Variants in HGSNAT observed in about 807,000 individuals in gnomAD.
The protein encoded by HGSNAT is transmembrane protein 76.
Under a neutral mutation model 85.2 loss-of-function variants are expected in HGSNAT, and 59 were observed. That is an observed-to-expected ratio of 0.69 (90% confidence interval 0.56 to 0.86). The LOEUF (loss-of-function observed/expected upper bound fraction) is 0.86, where lower values mean the gene tolerates loss of function less well. Among genes scored for constraint, HGSNAT ranks in the 40% least tolerant of loss-of-function variants. The pLI, the probability that HGSNAT is intolerant of heterozygous loss-of-function variation, is 0.00. For synonymous variants in HGSNAT, 321 were observed against 304.5 expected (o/e 1.05, Z -0.56); for missense variants, 756 against 777.1 (o/e 0.97, Z 0.32).
chr8:43,198,987 C>T (rs751310721), intron 17 of HGSNAT, among the ~76,000 whole-genome samples: 4 of 152,116 alleles, frequency 2.6e-5, no homozygotes, highest in Admixed American at 6.5e-5. Flanking sequence ...CTGCAACCTC[C>T]GCCTCCCAGG....
chr8:43,162,470 G>A (rs1040823752), intron 5 of HGSNAT, among the ~76,000 whole-genome samples: 1 of 152,050 alleles, frequency 6.6e-6, no homozygotes, highest in African/African-American at 2.4e-5. Flanking sequence ...TTGAGTTAAG[G>A]TATTATCTCA....
Position 43,197,705 on chromosome 8 carries a change from G to C in HGSNAT, c.1576G>C (p.Glu526Gln). Residue 526 changes from glutamate (E) to glutamine (Q), a missense_variant, in exon 16 of 18, where the codon GAA becomes CAA. Transcript: ENST00000379644. ...TTCTGTTGCTCTGACGAAGGTTTCT[G>C]AAAATGAAGGCTTTATTCCAGTAAA... ...LISVALTKVS[E>Q]NEGFIPVNKN... 1 of 1,613,482 alleles carries C rather than the reference G, an allele frequency of 6.2e-7. No individual in the cohort carries two copies.
At chr8:43,165,473 A>G (rs1803404770) in intron 5 of HGSNAT, among the ~76,000 whole-genome samples, 1 of 152,228 alleles carries the variant, frequency 6.6e-6, no homozygotes, top group Non-Finnish European at 1.5e-5. Context: ...AAAGAGTTGC[A>G]TGTCTCTCAC....
intron 8 of HGSNAT, 105 bp from the exon 9 acceptor site, chr8:43,173,608 C>T (rs937411647): frequency 1.5e-5 from 19 of 1,261,422 alleles, no homozygotes; most frequent in Admixed American, 1.4e-4. Context: ...ACTGCGCCTC[C>T]CCTGGGTTTA....
intron 9 of HGSNAT, among the ~76,000 whole-genome samples, chr8:43,176,685 A>C (rs1803823662): frequency 6.6e-6 from 1 of 152,156 alleles, no homozygotes; most frequent in Non-Finnish European, 1.5e-5. Flanking sequence ...TGAACATGGA[A>C]TTTCTTTCCA....
At chr8:43,157,897 A>G (rs938670744) in intron 2 of HGSNAT, among the ~76,000 whole-genome samples, 2 of 152,240 alleles carry the variant, frequency 1.3e-5, no homozygotes, top group African/African-American at 2.4e-5. Context: ...ACCAGCCTAA[A>G]TACTCAAAGT....
At chr8:43,187,689 C>T (rs142918044) in intron 11 of HGSNAT, among the ~76,000 whole-genome samples, 3,152 of 152,096 alleles carry the variant, frequency 0.021, 118 homozygotes, top group African/African-American at 0.073. Context: ...GTCATTATGA[C>T]GTTAGCTGGT....
At chr8:43,152,355 T>G (rs1214767736) in intron 2 of HGSNAT, among the ~76,000 whole-genome samples, 2 of 152,066 alleles carry the variant, frequency 1.3e-5, no homozygotes, top group African/African-American at 2.4e-5. Flanking sequence ...AAGCAAACAG[T>G]GTAATCATCC....
chr8:43,190,494 G>A (rs916043441), intron 11 of HGSNAT, among the ~76,000 whole-genome samples: 4 of 152,176 alleles, frequency 2.6e-5, no homozygotes, highest in Non-Finnish European at 4.4e-5. Flanking sequence ...ATTTCCTTAG[G>A]GTGAAGGACA....
intron 4 of HGSNAT, among the ~76,000 whole-genome samples, chr8:43,160,026 G>A (rs1347279183): frequency 6.6e-6 from 1 of 152,188 alleles, no homozygotes; most frequent in Non-Finnish European, 1.5e-5. Flanking sequence ...AATAATATAT[G>A]TAGTGGAAGA....
At chr8:43,164,672 T>C (rs892578298) in intron 5 of HGSNAT, among the ~76,000 whole-genome samples, 1 of 152,072 alleles carries the variant, frequency 6.6e-6, no homozygotes. Flanking sequence ...TCCCAGGTAC[T>C]CGGGAGGCTG....
rs564449428 is a variant in HGSNAT at position 43,166,516 on chromosome 8, G to A, written c.564-2657G>A. Among the ~76,000 whole-genome samples the A allele has an allele frequency of 4.5e-4, 68 of 152,324 alleles. 1 individual carries two copies. The highest frequency in any genetic ancestry group is 3.1e-3 in the South Asian group (15 of 4,824). Reference sequence around the variant, plus strand: ...CTCAATAAATGGAACAGCAAAGCCTGGATGACAGCACATCTGTTTACAGCG... The same window carrying A: ...CTCAATAAATGGAACAGCAAAGCCTAGATGACAGCACATCTGTTTACAGCG... On this transcript the variant is annotated intron_variant, in intron 5 of 17. Transcript: ENST00000379644.
At chr8:43,151,821 A>G (rs1256930520) in intron 2 of HGSNAT, among the ~76,000 whole-genome samples, 1 of 152,236 alleles carries the variant, frequency 6.6e-6, no homozygotes, top group Non-Finnish European at 1.5e-5. Context: ...GGTCTGTCTC[A>G]TTTAACTTAC....
At chr8:43,187,135 A>C (rs905263724) in intron 11 of HGSNAT, among the ~76,000 whole-genome samples, 2 of 152,118 alleles carry the variant, frequency 1.3e-5, no homozygotes, top group African/African-American at 4.8e-5. Flanking sequence ...TGAGGTGGAG[A>C]GTTCTGTAGA....
At chr8:43,188,268 T>C (rs185994441) in intron 11 of HGSNAT, among the ~76,000 whole-genome samples, 69 of 152,350 alleles carry the variant, frequency 4.5e-4, no homozygotes, top group African/African-American at 1.6e-3. Context: ...TCCCCGTCAC[T>C]TTCAGGTACA....
intron 1 of HGSNAT, among the ~76,000 whole-genome samples, chr8:43,144,076 T>C (rs1176094602): frequency 1.3e-5 from 2 of 152,130 alleles, no homozygotes; most frequent in Admixed American, 6.5e-5. Flanking sequence ...CCTAGCACTT[T>C]TGGGAGGTCG....
At chr8:43,164,924 A>G (rs1052464961) in intron 5 of HGSNAT, among the ~76,000 whole-genome samples, 14 of 152,152 alleles carry the variant, frequency 9.2e-5, no homozygotes, top group African/African-American at 3.1e-4. Flanking sequence ...AGGGAGGGAG[A>G]TGGAGGAACA....
intron 6 of HGSNAT, among the ~76,000 whole-genome samples, chr8:43,169,682 C>T (rs888565640): frequency 1.3e-5 from 2 of 152,204 alleles, no homozygotes; most frequent in African/African-American, 4.8e-5. Flanking sequence ...GTGCTAGATG[C>T]ACTTACGACT....
In HGSNAT at chr8:43,158,655, C is replaced by G; in HGVS notation, c.315C>G (p.Thr105=). 6.2e-7 allele frequency: 1 copy of G among 1,613,900 alleles called. No individual in the cohort carries two copies. The change falls in exon 3 of 18, where the codon ACC becomes ACG. Residue 105 remains threonine, a synonymous_variant. Transcript: ENST00000379644. ...KPSAAAASVS[T]QHGSILQLND... ...GTGCTGCAGCTGCCTCTGTCAGCACCCAGCACGGATCTATCCTGCAGCTGA... is the reference window on the plus strand; with the variant it reads ...GTGCTGCAGCTGCCTCTGTCAGCACGCAGCACGGATCTATCCTGCAGCTGA...
Sources: gnomAD v4.1 joint callset for allele counts (sites outside exome capture counted in the v4.1 genomes callset) on GRCh38, gnomAD v4.1.1 for gene constraint, MANE v1.5 for transcripts, NCBI Gene and HGNC (gene_info 2026-07-23, HGNC 2026-07-21) for gene names.